The following MSRA variants were observed in gnomAD, a reference collection of about 807,000 sequenced individuals.
MSRA encodes mitochondrial peptide methionine sulfoxide reductase.
Under a neutral mutation model 31.3 loss-of-function variants are expected in MSRA, and 54 were observed. The observed-to-expected ratio is 1.73, with a 90% CI of 1.39 to 2.17. MSRA has a LOEUF of 2.17. Among genes scored for constraint, MSRA ranks in the 30% most tolerant of loss-of-function variants. The pLI is 0.00. For missense variants in MSRA, 507 were observed against 300.9 expected, an observed-to-expected ratio of 1.69 and a Z score of -5.07; for synonymous variants, 169 against 116.5, an observed-to-expected ratio of 1.45 and a Z score of -2.90.
At chr8:10,392,537 C>G in intron 5 of MSRA, among the ~76,000 whole-genome samples, 1 of 152,146 alleles carries the variant, frequency 6.6e-6, no homozygotes, top group Non-Finnish European at 1.5e-5. Context: ...GGGGATCTGG[C>G]CGATGATGCT....
In MSRA at chr8:10,422,594, A is replaced by G. The variant is rs376422428; in HGVS notation, c.544-5554A>G. ...TCTAAAAGGTCAGCAAGACACACACACAAAAAAATGCCACAAGCAAAAGTC... is the reference window on the plus strand; with the variant it reads ...TCTAAAAGGTCAGCAAGACACACACGCAAAAAAATGCCACAAGCAAAAGTC... On this transcript the variant is annotated intron_variant, in intron 5 of 5. Coordinates refer to ENST00000317173, the MANE Select transcript of MSRA (RefSeq NM_012331.5). Among the ~76,000 whole-genome samples the G allele has an allele frequency of 1.4e-4, 21 of 152,314 alleles. No individual in the cohort carries two copies. The East Asian group carries it at 3.3e-3, about 24-fold the overall frequency.
rs1801956219 is a variant in MSRA, at chr8:10,319,986, A to G, written c.540A>G (p.Gln180=). The change falls in exon 5 of 6, where the codon CAA becomes CAG. Residue 180 remains glutamine, a synonymous_variant. Transcript: ENST00000317173. ...CCCTGAGCTCCAAAGAGAACTACCAAAAGGTAGGGATTGCTGGGCTCCTAG... is the reference window on the plus strand; with the variant it reads ...CCCTGAGCTCCAAAGAGAACTACCAGAAGGTAGGGATTGCTGGGCTCCTAG... ...EAALSSKENY[Q]KVLSEHGFGP... The G allele has an allele frequency of 1.9e-6, 3 of 1,596,302 alleles. No individual in the cohort carries two copies. The highest frequency in any genetic ancestry group is 2.6e-6 in the Non-Finnish European group (3 of 1,171,238).
chr8:10,287,240 G>A (rs1017128096), intron 3 of MSRA, among the ~76,000 whole-genome samples: 5 of 152,168 alleles, frequency 3.3e-5, no homozygotes, highest in African/African-American at 1.2e-4. Context: ...TTTATGGGGA[G>A]AAAGCATGAA....
At chr8:10,417,381 T>C (rs867344674) in intron 5 of MSRA, among the ~76,000 whole-genome samples, 1 of 151,300 alleles carries the variant, frequency 6.6e-6, no homozygotes, top group Non-Finnish European at 1.5e-5. Context: ...CGGGGTCCTC[T>C]TTGGTGTTGA....
chr8:10,358,565 C>CTTTTTTTTTTTTTTTTTTTT (rs59106668), intron 5 of MSRA, among the ~76,000 whole-genome samples: 2 of 64,004 alleles, frequency 3.1e-5, no homozygotes, highest in Non-Finnish European at 5.3e-5. Context: ...GCATTAGATT[C>CTTTTTTTTTTTTTTTTTTTT]TTTTTTTTTT....
chr8:10,068,131 G>T (rs545940496), intron 1 of MSRA, among the ~76,000 whole-genome samples: 2 of 152,034 alleles, frequency 1.3e-5, no homozygotes, highest in Non-Finnish European at 1.5e-5. Context: ...CAGACTGCCC[G>T]CCTTGGTCTC....
intron 3 of MSRA, among the ~76,000 whole-genome samples, chr8:10,287,209 T>G (rs755288242): frequency 6.6e-6 from 1 of 152,198 alleles, no homozygotes; most frequent in Non-Finnish European, 1.5e-5. Flanking sequence ...AATAATTTAG[T>G]AGTTACCATT....
intron 5 of MSRA, among the ~76,000 whole-genome samples, chr8:10,325,496 G>T (rs1168215263): frequency 6.6e-6 from 1 of 152,062 alleles, no homozygotes; most frequent in Non-Finnish European, 1.5e-5. Context: ...TTTAGCTGTA[G>T]ATGTGTATCT....
At position 10,254,514 on chromosome 8, in the gene MSRA, T is replaced by C. The variant is rs555319650; in HGVS notation, c.331+9291T>C. On this transcript the variant is annotated intron_variant, in intron 3 of 5. Coordinates refer to ENST00000317173, the MANE Select transcript of MSRA (RefSeq NM_012331.5). ...ATGTTCTCAATGGGTATTACAATAG[T>C]AGTTTCTTGCCATGACCACTTTGTA... 3.9e-5 allele frequency among the ~76,000 whole-genome samples: 6 copies of C among 152,310 alleles called. No homozygotes were observed. In the South Asian group the frequency reaches 1.2e-3, roughly 32 times the overall value.
At chr8:10,323,523 C>G (rs4841316) in intron 5 of MSRA, among the ~76,000 whole-genome samples, 149,147 of 152,306 alleles carry the variant, frequency 0.98, 73,103 homozygotes, top group East Asian at 1. Flanking sequence ...CAGTTTCTAT[C>G]CCATTGTAGT....
At chr8:10,382,392 A>C (rs2129175175) in intron 5 of MSRA, among the ~76,000 whole-genome samples, 1 of 152,276 alleles carries the variant, frequency 6.6e-6, no homozygotes, top group Middle Eastern at 3.4e-3. Context: ...GCTGGAAGAG[A>C]CACCTGTACC....
At chr8:10,310,184 T>A (rs1364989913) in intron 4 of MSRA, among the ~76,000 whole-genome samples, 1 of 152,176 alleles carries the variant, frequency 6.6e-6, no homozygotes, top group Non-Finnish European at 1.5e-5. Flanking sequence ...ACAGTGGGAA[T>A]GATATTGTAT....
intron 3 of MSRA, among the ~76,000 whole-genome samples, chr8:10,292,462 C>T (rs1041745728): frequency 2.0e-5 from 3 of 152,330 alleles, no homozygotes; most frequent in South Asian, 2.1e-4. Context: ...GCGGCAGGGC[C>T]GGGTGTGGAA....
intron 1 of MSRA, among the ~76,000 whole-genome samples, chr8:10,106,616 G>C (rs1799899732): frequency 1.3e-5 from 2 of 152,192 alleles, no homozygotes; most frequent in South Asian, 4.1e-4. Context: ...GAGAAGTGAA[G>C]TGCCTGGGCT....
chr8:10,387,135 A>C (rs1208445206), intron 5 of MSRA, among the ~76,000 whole-genome samples: 1 of 152,154 alleles, frequency 6.6e-6, no homozygotes, highest in African/African-American at 2.4e-5. Flanking sequence ...CCACACTTCC[A>C]GTAGTGAGGC....
intron 3 of MSRA, among the ~76,000 whole-genome samples, chr8:10,264,811 G>A (rs780994025): frequency 3.3e-5 from 5 of 152,192 alleles, no homozygotes; most frequent in African/African-American, 7.2e-5. Context: ...AATGCGGAGG[G>A]CACTGGAAAG....
chr8:10,169,780 A>G (rs1805441001), intron 1 of MSRA, among the ~76,000 whole-genome samples: 1 of 152,088 alleles, frequency 6.6e-6, no homozygotes, highest in Non-Finnish European at 1.5e-5. Flanking sequence ...AGTACATAAC[A>G]TTTGTTTTTA....
chr8:10,388,471 C>G (rs1806530733), intron 5 of MSRA, among the ~76,000 whole-genome samples: 3 of 152,160 alleles, frequency 2.0e-5, no homozygotes, highest in Admixed American at 2.0e-4. Context: ...ATAATCAGCT[C>G]AAAATAATCC....
At chr8:10,270,331 T>A (rs897763886) in intron 3 of MSRA, among the ~76,000 whole-genome samples, 2 of 152,134 alleles carry the variant, frequency 1.3e-5, no homozygotes, top group Non-Finnish European at 2.9e-5. Context: ...GGCAACATGA[T>A]GTCCTTTGGC....
Sources: allele counts gnomAD v4.1 joint callset (sites outside exome capture counted in the v4.1 genomes callset), GRCh38; gene constraint gnomAD v4.1.1; transcripts MANE v1.5; gene names NCBI Gene and HGNC (gene_info 2026-07-23, HGNC 2026-07-21).